ARB2A: variants seen among roughly 807,000 people sequenced by gnomAD.
ARB2A encodes ARB2 cotranscriptional regulator A.
At chr5:93,937,081 G>A in the ARB2A span, among the ~76,000 whole-genome samples, 3 of 151,572 alleles carry the variant, frequency 2.0e-5, no homozygotes, top group Non-Finnish European at 2.9e-5. Flanking sequence ...CACTGTGTCA[G>A]CCAGGATGGT....
chr5:93,693,490 C>G, the ARB2A span, among the ~76,000 whole-genome samples: 1 of 152,074 alleles, frequency 6.6e-6, no homozygotes, highest in African/African-American at 2.4e-5. Context: ...TACACCCTCC[C>G]AAGTCTAAAC....
the ARB2A span, among the ~76,000 whole-genome samples, chr5:94,068,358 C>A: frequency 6.6e-6 from 1 of 152,188 alleles, no homozygotes; most frequent in Non-Finnish European, 1.5e-5. Flanking sequence ...CTGCCAGATC[C>A]GGAGGGGTGG....
chr5:93,788,433 C>T, the ARB2A span, among the ~76,000 whole-genome samples: 1 of 152,126 alleles, frequency 6.6e-6, no homozygotes, highest in East Asian at 1.9e-4. Context: ...CCATTTCCCT[C>T]CAGAAATCCT....
At chr5:93,846,711 T>C in the ARB2A span, among the ~76,000 whole-genome samples, 1 of 152,108 alleles carries the variant, frequency 6.6e-6, no homozygotes, top group Non-Finnish European at 1.5e-5. Context: ...TTCAAAAACA[T>C]GTTTAATTTA....
At chr5:93,663,794 G>A in the ARB2A span, among the ~76,000 whole-genome samples, 1 of 152,152 alleles carries the variant, frequency 6.6e-6, no homozygotes, top group Non-Finnish European at 1.5e-5. Flanking sequence ...TAAATAAATA[G>A]TGCATTGCTT....
the ARB2A span, chr5:93,881,794 T>C: frequency 1.6e-6 from 1 of 628,026 alleles, no homozygotes; most frequent in Non-Finnish European, 2.5e-6. Flanking sequence ...TATAGTTGCA[T>C]ATTCATTAAA....
chr5:93,861,642 G>C, the ARB2A span: 2 of 152,152 alleles, frequency 1.3e-5, no homozygotes, highest in African/African-American at 4.8e-5. Context: ...CACTTGGTTA[G>C]CAATCTTAGA....
the ARB2A span, among the ~76,000 whole-genome samples, chr5:93,643,996 T>G: frequency 6.6e-6 from 1 of 152,200 alleles, no homozygotes; most frequent in Admixed American, 6.5e-5. Flanking sequence ...TTATCCTCAT[T>G]TTGCTGATGA....
At chr5:93,921,348 A>G in the ARB2A span, among the ~76,000 whole-genome samples, 1 of 152,144 alleles carries the variant, frequency 6.6e-6, no homozygotes, top group Non-Finnish European at 1.5e-5. Context: ...AGGCAAAGTC[A>G]TTACATGGAA....
the ARB2A span, among the ~76,000 whole-genome samples, chr5:94,110,402 C>T: frequency 4.7e-4 from 71 of 152,280 alleles, no homozygotes; most frequent in African/African-American, 1.6e-3. Context: ...GATAATATTT[C>T]CCTCTTGGCC....
At chr5:93,645,105 A>C in the ARB2A span, among the ~76,000 whole-genome samples, 2 of 152,202 alleles carry the variant, frequency 1.3e-5, no homozygotes, top group Non-Finnish European at 2.9e-5. Context: ...CAGTATTTTT[A>C]AAGAGAATCA....
At chr5:93,810,774 C>A in the ARB2A span, among the ~76,000 whole-genome samples, 7 of 151,988 alleles carry the variant, frequency 4.6e-5, no homozygotes, top group Admixed American at 3.9e-4. Flanking sequence ...TTTTGAGTGA[C>A]AGTATAGCAT....
chr5:94,004,515 G>C, the ARB2A span, among the ~76,000 whole-genome samples: 2 of 151,594 alleles, frequency 1.3e-5, no homozygotes, highest in African/African-American at 2.4e-5. Context: ...CTGGGAGGTA[G>C]AGCTTGTAGT....
the ARB2A span, among the ~76,000 whole-genome samples, chr5:93,975,660 A>T: frequency 6.6e-6 from 1 of 152,196 alleles, no homozygotes; most frequent in African/African-American, 2.4e-5. Flanking sequence ...ATACATCTCT[A>T]TGCACACAGA....
At chr5:93,990,075 C>T in the ARB2A span, among the ~76,000 whole-genome samples, 1 of 151,902 alleles carries the variant, frequency 6.6e-6, no homozygotes, top group African/African-American at 2.4e-5. Context: ...TAATACATAT[C>T]AGTAACCCAG....
the ARB2A span, among the ~76,000 whole-genome samples, chr5:93,692,070 C>T: frequency 1.3e-5 from 2 of 152,160 alleles, no homozygotes; most frequent in Non-Finnish European, 2.9e-5. Context: ...ACTGCAAAAA[C>T]ATACCAAATT....
chr5:93,693,260 C>T, the ARB2A span, among the ~76,000 whole-genome samples: 1 of 152,018 alleles, frequency 6.6e-6, no homozygotes, highest in Admixed American at 6.6e-5. Context: ...TCAATGAATC[C>T]AGGAGCTGGT....
At chr5:93,723,162 G>A in the ARB2A span, among the ~76,000 whole-genome samples, 3 of 152,128 alleles carry the variant, frequency 2.0e-5, no homozygotes, top group East Asian at 3.9e-4. Context: ...TTATGAGAGA[G>A]CAACACCTCA....
chr5:93,650,602 T>C, the ARB2A span, among the ~76,000 whole-genome samples: 9 of 152,062 alleles, frequency 5.9e-5, no homozygotes, highest in Non-Finnish European at 1.2e-4. Flanking sequence ...AAAAAAATAT[T>C]TGAAGAAATT....
Sources: allele counts gnomAD v4.1 joint callset (sites outside exome capture counted in the v4.1 genomes callset), GRCh38; gene constraint gnomAD v4.1.1; transcripts MANE v1.5; gene names NCBI Gene and HGNC (gene_info 2026-07-23, HGNC 2026-07-21).